The following LGSN variants were observed in gnomAD, a reference collection of about 807,000 sequenced individuals.
The protein encoded by LGSN is lengsin, lens protein with glutamine synthetase domain.
In LGSN, 21 loss-of-function variants were observed where a neutral mutation model predicts 19.5. The observed-to-expected ratio is 1.07, with a 90% CI of 0.76 to 1.55. LGSN has a LOEUF of 1.55. Among genes scored for constraint, LGSN ranks in the 40% most tolerant of loss-of-function variants. LGSN has a pLI of 0.00. For missense variants in LGSN, 673 were observed against 608.5 expected (o/e 1.11, Z -1.12); for synonymous variants, 257 against 215.6 (o/e 1.19, Z -1.68).
At chr6:63,354,116 A>G in the LGSN span, among the ~76,000 whole-genome samples, 1 of 152,168 alleles carries the variant, frequency 6.6e-6, no homozygotes, top group African/African-American at 2.4e-5. Context: ...CCTCAAAAGT[A>G]CAGGTAACAA....
intron 1 of LGSN, among the ~76,000 whole-genome samples, chr6:63,312,363 G>A (rs1039683824): frequency 2.2e-4 from 34 of 152,206 alleles, no homozygotes; most frequent in African/African-American, 6.3e-4. Flanking sequence ...TTTAATGGAT[G>A]ATTGATGTTC....
the LGSN span, among the ~76,000 whole-genome samples, chr6:63,466,193 C>T: frequency 6.6e-6 from 1 of 152,208 alleles, no homozygotes; most frequent in Non-Finnish European, 1.5e-5. Flanking sequence ...AGCCACCATG[C>T]CCAGCCAAGA....
At chr6:63,340,094 C>T in the LGSN span, among the ~76,000 whole-genome samples, 524 of 152,110 alleles carry the variant, frequency 3.4e-3, 1 homozygote, top group Middle Eastern at 0.01. Flanking sequence ...AATATATCAA[C>T]TCATTTCCTC....
chr6:63,533,781 T>A, the LGSN span, among the ~76,000 whole-genome samples: 3 of 152,042 alleles, frequency 2.0e-5, no homozygotes, highest in African/African-American at 7.2e-5. Context: ...ATACTTAGGA[T>A]TTTTTTTAAA....
intron 1 of LGSN, among the ~76,000 whole-genome samples, chr6:63,316,158 C>T (rs1229830408): frequency 6.6e-6 from 1 of 152,094 alleles, no homozygotes; most frequent in Non-Finnish European, 1.5e-5. Context: ...TTAATCCTCA[C>T]CACTTTTACA....
chr6:63,432,279 A>G, the LGSN span, among the ~76,000 whole-genome samples: 1 of 152,196 alleles, frequency 6.6e-6, no homozygotes, highest in Non-Finnish European at 1.5e-5. Context: ...CAACTCCCAG[A>G]TAGAAATAAA....
At chr6:63,453,798 C>G in the LGSN span, among the ~76,000 whole-genome samples, 1 of 152,036 alleles carries the variant, frequency 6.6e-6, no homozygotes, top group Non-Finnish European at 1.5e-5. Context: ...GAACTACAGG[C>G]GCCCGCCACC....
chr6:63,426,132 C>T, the LGSN span, among the ~76,000 whole-genome samples: 1 of 152,120 alleles, frequency 6.6e-6, no homozygotes, highest in Non-Finnish European at 1.5e-5. Flanking sequence ...GCAGTGCCTT[C>T]AGGTCATTGA....
At chr6:63,438,548 A>G in the LGSN span, among the ~76,000 whole-genome samples, 1 of 152,142 alleles carries the variant, frequency 6.6e-6, no homozygotes, top group African/African-American at 2.4e-5. Flanking sequence ...GGCGAAGGAC[A>G]TGAACAGACA....
chr6:63,483,046 A>C, the LGSN span, among the ~76,000 whole-genome samples: 8 of 152,182 alleles, frequency 5.3e-5, no homozygotes, highest in Non-Finnish European at 1.2e-4. Context: ...CATGTCAGGC[A>C]CTGTTCTCAT....
At chr6:63,402,168 A>AAT in the LGSN span, among the ~76,000 whole-genome samples, 1 of 152,204 alleles carries the variant, frequency 6.6e-6, no homozygotes, top group Non-Finnish European at 1.5e-5. Flanking sequence ...TCACGAAAGA[A>AAT]ATATATATAG....
chr6:63,572,330 C>CCGG, the LGSN span: 1 of 255,464 alleles, frequency 3.9e-6, no homozygotes, highest in East Asian at 7.0e-5. Flanking sequence ...CCGGTTCACA[C>CCGG]CGGCGGCGGC....
the LGSN span, among the ~76,000 whole-genome samples, chr6:63,530,313 A>G: frequency 6.6e-6 from 1 of 152,200 alleles, no homozygotes; most frequent in Non-Finnish European, 1.5e-5. Context: ...ACACAGCTAC[A>G]GACAAAGCCA....
the LGSN span, among the ~76,000 whole-genome samples, chr6:63,406,093 C>T: frequency 1.3e-5 from 2 of 152,100 alleles, no homozygotes; most frequent in African/African-American, 2.4e-5. Flanking sequence ...CTTTAACACC[C>T]CACTGTCAAC....
At chr6:63,481,875 G>T in the LGSN span, 7 of 239,872 alleles carry the variant, frequency 2.9e-5, no homozygotes, top group East Asian at 6.6e-4. Context: ...CGTTCAACAA[G>T]ATCTTAAATC....
the LGSN span, among the ~76,000 whole-genome samples, chr6:63,364,009 A>G: frequency 6.6e-6 from 1 of 152,230 alleles, no homozygotes; most frequent in Non-Finnish European, 1.5e-5. Flanking sequence ...GCTAGGAAGA[A>G]ACTGCATCAA....
At chr6:63,349,033 G>A in the LGSN span, among the ~76,000 whole-genome samples, 1 of 152,128 alleles carries the variant, frequency 6.6e-6, no homozygotes, top group African/African-American at 2.4e-5. Context: ...TAAGGAAAAG[G>A]GGGCAGAAGT....
chr6:63,412,763 GAAA>G, the LGSN span, among the ~76,000 whole-genome samples: 5 of 22,776 alleles, frequency 2.2e-4, no homozygotes, highest in Admixed American at 1.3e-3. Context: ...AAGAAAGAAA[GAAA>G]GAAAGGAAGG....
intron 1 of LGSN, among the ~76,000 whole-genome samples, chr6:63,319,043 G>A (rs1040836710): frequency 2.6e-5 from 4 of 152,098 alleles, no homozygotes; most frequent in Non-Finnish European, 4.4e-5. Context: ...TCTTCACATA[G>A]CCTTGCCCAG....
Sources: gnomAD v4.1 joint callset for allele counts (sites outside exome capture counted in the v4.1 genomes callset) on GRCh38, gnomAD v4.1.1 for gene constraint, MANE v1.5 for transcripts, NCBI Gene and HGNC (gene_info 2026-07-23, HGNC 2026-07-21) for gene names.